Variants in KYNU observed in about 807,000 individuals in gnomAD.
KYNU encodes the protein kynureninase, also known as L-kynurenine hydrolase.
Under a neutral mutation model 59.2 loss-of-function variants are expected in KYNU, and 54 were observed. The observed-to-expected ratio is 0.91, with a 90% CI of 0.73 to 1.14. KYNU has a LOEUF of 1.14. Among genes scored for constraint, KYNU ranks in the 50% most tolerant of loss-of-function variants. The pLI is 0.00. For missense variants in KYNU, 567 were observed against 554.4 expected (o/e 1.02, Z -0.23); for synonymous variants, 177 against 192.0 (o/e 0.92, Z 0.65).
Position 143,052,685 on chromosome 2 carries a change from G to A in KYNU, c.*10513G>A, listed in dbSNP as rs947155412. On this transcript the variant is annotated 3_prime_UTR_variant, in exon 14 of 14. Transcript: ENST00000264170. ...ACAGAAGTCAAGAACTGAGGTTTGG[G>A]AACTTACACCAAGATTTCAGAGGAT... 2.0e-5 allele frequency: 3 copies of A among 152,272 alleles called. No homozygotes were observed. Among genetic ancestry groups the A allele is most frequent in the Admixed American group, 2.0e-4 (3 of 15,286 alleles). The allele number at this position is 152,272 out of a possible 1,614,324, so 9.4% of individuals were successfully genotyped here.
At chr2:142,996,002 GTC>G (rs536173709) in intron 10 of KYNU, among the ~76,000 whole-genome samples, 45 of 152,140 alleles carry the variant, frequency 3.0e-4, no homozygotes, top group South Asian at 6.2e-4. Flanking sequence ...TACCAAACGT[GTC>G]TCTGTTTCCT....
rs141078453 is a variant in KYNU at position 142,931,419 on chromosome 2, T to C, written c.373+3678T>C. ...CCTTGTAGTAGGAGCATCATCTGTA[T>C]TGTCTGGAAACGCGTCTGTGCCTGC... On this transcript the variant is annotated intron_variant, in intron 4 of 13. Coordinates refer to ENST00000264170, the MANE Select transcript of KYNU (RefSeq NM_003937.3). 3.8e-3 allele frequency among the ~76,000 whole-genome samples: 577 copies of C among 152,284 alleles called. 2 individuals are homozygous for C. Among genetic ancestry groups the C allele is most frequent in the African/African-American group, 0.012 (514 of 41,554 alleles).
rs1687335284 is a variant in KYNU, at chr2:143,055,331, C to T, written c.*13159C>T. On this transcript the variant is annotated 3_prime_UTR_variant, in exon 14 of 14. Transcript: ENST00000264170. ...ACTTTTTTTAGATTCTAGAGGCTTCCCACAATCCTTGGCTTAAGGTCCATC... is the reference window on the plus strand; with the variant it reads ...ACTTTTTTTAGATTCTAGAGGCTTCTCACAATCCTTGGCTTAAGGTCCATC... 6.6e-6 allele frequency: 1 copy of T among 152,080 alleles called. No homozygotes were observed. Among genetic ancestry groups the T allele is most frequent in the Non-Finnish European group, 1.5e-5 (1 of 68,014 alleles). The allele number at this position is 152,080 out of a possible 1,614,324, so 9.4% of individuals were successfully genotyped here.
intron 2 of KYNU, among the ~76,000 whole-genome samples, chr2:142,912,976 G>A (rs1682545879): frequency 6.6e-6 from 1 of 152,050 alleles, no homozygotes; most frequent in South Asian, 2.1e-4. Context: ...CTCCCAAAGT[G>A]CTGGGATTAC....
chr2:142,890,155 GAA>G (rs1209515393), intron 2 of KYNU, among the ~76,000 whole-genome samples: 5 of 150,008 alleles, frequency 3.3e-5, no homozygotes, highest in Non-Finnish European at 7.4e-5. Context: ...GAGAAGGAAA[GAA>G]AAGAAAGAAG....
intron 8 of KYNU, among the ~76,000 whole-genome samples, chr2:142,962,151 C>T (rs1684376643): frequency 6.6e-6 from 1 of 152,196 alleles, no homozygotes; most frequent in Non-Finnish European, 1.5e-5. Flanking sequence ...TGCAAGTAAT[C>T]AGCAGTCCCT....
intron 2 of KYNU, among the ~76,000 whole-genome samples, chr2:142,916,982 AT>A (rs1682685913): frequency 6.6e-6 from 1 of 152,224 alleles, no homozygotes; most frequent in Non-Finnish European, 1.5e-5. Context: ...CAAAAAATGT[AT>A]GCCCTAATTG....
chr2:143,036,855 G>A (rs1203571925), intron 12 of KYNU, among the ~76,000 whole-genome samples: 1 of 152,136 alleles, frequency 6.6e-6, no homozygotes, highest in Non-Finnish European at 1.5e-5. Flanking sequence ...AACGAAAGAA[G>A]TAAATGCATG....
At chr2:142,937,191 G>T (rs1236484908) in intron 4 of KYNU, among the ~76,000 whole-genome samples, 2 of 152,062 alleles carry the variant, frequency 1.3e-5, no homozygotes, top group Non-Finnish European at 2.9e-5. Flanking sequence ...CTATTTTGCT[G>T]GTGTACCCTG....
At chr2:143,006,163 G>C (rs1426203751) in intron 10 of KYNU, among the ~76,000 whole-genome samples, 1 of 152,082 alleles carries the variant, frequency 6.6e-6, no homozygotes, top group East Asian at 1.9e-4. Flanking sequence ...TCTCACTAGG[G>C]AGTGCCAGAC....
At chr2:142,908,937 A>G (rs1682390555) in intron 2 of KYNU, among the ~76,000 whole-genome samples, 1 of 152,180 alleles carries the variant, frequency 6.6e-6, no homozygotes, top group South Asian at 2.1e-4. Context: ...CCCAGCCAAA[A>G]TGATCTATTT....
intron 9 of KYNU, 59 bp downstream of exon 9, chr2:142,985,241 A>G: frequency 9.5e-7 from 1 of 1,050,290 alleles, no homozygotes; most frequent in Middle Eastern, 2.0e-4. Flanking sequence ...AATCTGAAGG[A>G]GAAACTGGGT....
chr2:143,000,224 A>T (rs1685672637), intron 10 of KYNU, among the ~76,000 whole-genome samples: 1 of 152,164 alleles, frequency 6.6e-6, no homozygotes, highest in Non-Finnish European at 1.5e-5. Flanking sequence ...AATTGTTTTG[A>T]TGAATATTTT....
At chr2:142,975,304 C>A (rs914658515) in intron 8 of KYNU, among the ~76,000 whole-genome samples, 9 of 152,158 alleles carry the variant, frequency 5.9e-5, no homozygotes, top group African/African-American at 2.2e-4. Flanking sequence ...CTGGGACAGC[C>A]AAGCTCCAGG....
rs1465676438 is a variant in KYNU at position 143,048,952 on chromosome 2, T to C, written c.*6780T>C. 6.6e-6 allele frequency: 1 copy of C among 152,194 alleles called. No homozygotes were observed. Among genetic ancestry groups the C allele is most frequent in the Non-Finnish European group, 1.5e-5 (1 of 68,018 alleles). The allele number at this position is 152,194 out of a possible 1,614,324, so 9.4% of individuals were successfully genotyped here. A position where few individuals can be genotyped will look rare whatever the true frequency, so the allele number is the denominator to read the frequency against. ...CTTAAGGGCTCTTTGTCTTTAATGA[T>C]CCGCATTTTTATTATGATGTGTCTA... On this transcript the variant is annotated 3_prime_UTR_variant, in exon 14 of 14. Coordinates refer to ENST00000264170, the MANE Select transcript of KYNU (RefSeq NM_003937.3).
chr2:142,921,885 C>A lies in KYNU; in HGVS notation c.290+3156C>A, dbSNP rs754890414. ...GTAGTCTTCATGCCACTTCAGTGGT[C>A]TGTTGGTCTCTTCAGTTTTCATTCT... is the stretch of plus-strand genomic sequence containing the variant. On this transcript the variant is annotated intron_variant, in intron 3 of 13. Coordinates refer to ENST00000264170, the MANE Select transcript of KYNU (RefSeq NM_003937.3). 1.1e-3 allele frequency among the ~76,000 whole-genome samples: 166 copies of A among 152,094 alleles called. 2 individuals carry two copies. The highest frequency in any genetic ancestry group is 2.5e-4 in the Non-Finnish European group (17 of 68,016).
intron 8 of KYNU, among the ~76,000 whole-genome samples, chr2:142,963,421 A>G (rs1684418262): frequency 6.6e-6 from 1 of 152,180 alleles, no homozygotes; most frequent in Admixed American, 6.5e-5. Context: ...GAAGTGCAAG[A>G]TCAAGATGCC....
intron 10 of KYNU, among the ~76,000 whole-genome samples, chr2:143,016,965 A>G (rs1283089212): frequency 6.6e-6 from 1 of 151,970 alleles, no homozygotes; most frequent in Non-Finnish European, 1.5e-5. Flanking sequence ...CTTTATGTCC[A>G]TGTTTAGTTC....
intron 4 of KYNU, chr2:142,947,053 C>T (rs543715494): frequency 1.3e-6 from 2 of 1,550,302 alleles, no homozygotes; most frequent in Non-Finnish European, 1.7e-6. Context: ...TCACCCTTCC[C>T]CAAGCAACTC....
Sources: allele counts gnomAD v4.1 joint callset (sites outside exome capture counted in the v4.1 genomes callset), GRCh38; gene constraint gnomAD v4.1.1; transcripts MANE v1.5; gene names NCBI Gene and HGNC (gene_info 2026-07-23, HGNC 2026-07-21).